Variants in PTPRU observed in about 807,000 individuals in gnomAD.
PTPRU encodes protein tyrosine phosphatase receptor type U.
Under a neutral mutation model 166.3 loss-of-function variants are expected in PTPRU, and 69 were observed. That is an observed-to-expected ratio of 0.41 (90% confidence interval 0.34 to 0.51). The LOEUF is 0.51. Ranked by LOEUF, PTPRU falls within the 20% of genes least tolerant of loss-of-function variation. The pLI, the probability that PTPRU is intolerant of heterozygous loss-of-function variation, is 0.09. For missense variants in PTPRU, 1,657 were observed against 2,013.7 expected (o/e 0.82, Z 3.39); for synonymous variants, 793 against 814.0 (o/e 0.97, Z 0.44).
At chr1:29,265,995 A>G (rs923963175) in intron 7 of PTPRU, among the ~76,000 whole-genome samples, 5 of 148,020 alleles carry the variant, frequency 3.4e-5, no homozygotes, top group African/African-American at 1.2e-4. Context: ...CTGTCTCCCA[A>G]AGATTTTCTC....
At position 29,290,844 on chromosome 1, in the gene PTPRU, TC is replaced by T. The variant is rs370868616; in HGVS notation, c.2319-1022del. 3.4e-3 allele frequency among the ~76,000 whole-genome samples: 517 copies of T among 152,354 alleles called. 5 individuals are homozygous for T. Among genetic ancestry groups the T allele is most frequent in the African/African-American group, 0.012 (487 of 41,592 alleles). ...GGATGCCAACAGCATTAGGTGTCCC[TC>T]CCGGGTTCCATCTTCTGGGGATCGG... On this transcript the variant is annotated intron_variant, in intron 14 of 29. Coordinates refer to ENST00000373779, the MANE Select transcript of PTPRU (RefSeq NM_133178.4).
chr1:29,280,293 T>C lies in PTPRU; in HGVS notation c.1868+152T>C. 1 of 779,090 alleles carries C rather than the reference T, an allele frequency of 1.3e-6. No homozygotes were observed. Among genetic ancestry groups the C allele is most frequent in the South Asian group, 1.8e-5 (1 of 54,334 alleles). 48.3% of individuals were successfully genotyped at this position (779,090 alleles called of 1,614,324 possible). A position where few individuals can be genotyped will look rare whatever the true frequency, so the allele number is the denominator to read the frequency against. ...GTGTCTGGAGGAGATTGTTCTGTGATGCTTGGCAGGCAAGAAGCCTGCAGT... is the reference window on the plus strand; with the variant it reads ...GTGTCTGGAGGAGATTGTTCTGTGACGCTTGGCAGGCAAGAAGCCTGCAGT... On this transcript the variant is annotated intron_variant, in intron 11 of 29. Coordinates refer to ENST00000373779, the MANE Select transcript of PTPRU (RefSeq NM_133178.4). The surrounding 1 kb of genome is among the most constrained non-coding windows in gnomAD (Gnocchi z 4.2).
In PTPRU at chr1:29,260,525, A is replaced by C. The variant is rs1685007786; in HGVS notation, c.851-85A>C. 2 of 1,049,122 alleles carry C rather than the reference A, an allele frequency of 1.9e-6. No individual in the cohort carries two copies. The highest frequency in any genetic ancestry group is 6.0e-5 in the East Asian group (2 of 33,290). The allele number at this position is 1,049,122 out of a possible 1,614,324, so 65.0% of individuals were successfully genotyped here. The stretch of plus-strand genomic sequence containing the variant: ...AGAGGCCCTAGGAGGACGGAGAGGG[A>C]TTTGGGTGTGGTGGAACTCAGAGTT... On this transcript the variant is annotated intron_variant, in intron 6 of 29. Coordinates refer to ENST00000373779, the MANE Select transcript of PTPRU (RefSeq NM_133178.4). The surrounding 1 kb of genome is among the most constrained non-coding windows in gnomAD (Gnocchi z 8.3).
intron 18 of PTPRU, among the ~76,000 whole-genome samples, chr1:29,306,757 CTCT>C (rs1481258854): frequency 6.6e-5 from 10 of 152,184 alleles, no homozygotes; most frequent in Non-Finnish European, 1.0e-4. Flanking sequence ...TCTCCTCTCC[CTCT>C]TCTTCTCCTC....
chr1:29,316,168 T>G lies in PTPRU; in HGVS notation c.3513+17T>G. ...GAGTTCCAGGTGGGGGATGAGTGCG[T>G]GTGTATAGGTGTGTGTGTGTGTGTC... is the stretch of plus-strand genomic sequence containing the variant. On this transcript the variant is annotated intron_variant, in intron 24 of 29. Transcript: ENST00000373779. The G allele has an allele frequency of 6.2e-7, 1 of 1,609,270 alleles. No individual in the cohort carries two copies. The highest frequency in any genetic ancestry group is 8.5e-7 in the Non-Finnish European group (1 of 1,176,576).
chr1:29,260,421 T>C lies in PTPRU; in HGVS notation c.851-189T>C, dbSNP rs546748422. ...GATGGGCGAGGGCGGGGTCAGCCTT[T>C]GGAGCCAGGTGCCCCTTAGGGCCCG... On this transcript the variant is annotated intron_variant, in intron 6 of 29. Transcript: ENST00000373779. This position sits in a 1 kb window ranked among gnomAD's most constrained non-coding sequence, Gnocchi z 8.3. Among the ~76,000 whole-genome samples, 1 of 151,982 alleles carries C rather than the reference T, an allele frequency of 6.6e-6. No homozygotes were observed. The highest frequency in any genetic ancestry group is 2.1e-4 in the South Asian group (1 of 4,818).
chr1:29,298,881 G>C (rs952260648), intron 15 of PTPRU, among the ~76,000 whole-genome samples: 2 of 152,122 alleles, frequency 1.3e-5, no homozygotes, highest in Non-Finnish European at 2.9e-5. Context: ...CCTGCCATAC[G>C]GATATTCTAA....
intron 28 of PTPRU, among the ~76,000 whole-genome samples, chr1:29,324,421 A>C (rs1688310095): frequency 6.6e-6 from 1 of 152,192 alleles, no homozygotes; most frequent in African/African-American, 2.4e-5. Flanking sequence ...GCCATTCCCC[A>C]GGAGGCACCC....
Position 29,312,677 on chromosome 1 carries a change from T to G in PTPRU, c.3198T>G (p.Pro1066=), listed in dbSNP as rs1487021838. 8 of 1,609,330 alleles carry G rather than the reference T, an allele frequency of 5.0e-6. No individual in the cohort carries two copies. Among genetic ancestry groups the G allele is most frequent in the Non-Finnish European group, 6.8e-6 (8 of 1,176,694 alleles). The stretch of plus-strand genomic sequence containing the variant: ...GGCGCGTGAAGGCCTCCACCCCACC[T>G]GATGCCGGGCCCATTGTCATCCACT... The part of the protein sequence containing the change: ...FIRRVKASTP[P]DAGPIVIHCS... The change falls in exon 22 of 30, where the codon CCT becomes CCG. Residue 1066 remains proline, a synonymous_variant. Coordinates refer to ENST00000373779, the MANE Select transcript of PTPRU (RefSeq NM_133178.4).
chr1:29,321,553 G>T (rs1040929650), intron 26 of PTPRU, among the ~76,000 whole-genome samples: 38 of 152,210 alleles, frequency 2.5e-4, no homozygotes, highest in African/African-American at 8.7e-4. Flanking sequence ...TGCTCTTTTA[G>T]TCACTCCACT....
In PTPRU at chr1:29,315,899, C is replaced by A; in HGVS notation, c.3364-103C>A. ...CCTGTAGTAACATGGTTGGCCTCCA[C>A]CTCAGGACACCCTGCTTCAACCTTG... On this transcript the variant is annotated intron_variant, in intron 23 of 29. Transcript: ENST00000373779. The surrounding 1 kb of genome is among the most constrained non-coding windows in gnomAD (Gnocchi z 4.5). 1 of 1,426,834 alleles carries A rather than the reference C, an allele frequency of 7.0e-7. No homozygotes were observed. Among genetic ancestry groups the A allele is most frequent in the Non-Finnish European group, 9.5e-7 (1 of 1,049,908 alleles). The allele number at this position is 1,426,834 out of a possible 1,614,324, so 88.4% of individuals were successfully genotyped here.
intron 14 of PTPRU, among the ~76,000 whole-genome samples, chr1:29,286,411 CTTTTT>C (rs35997830): frequency 6.6e-6 from 1 of 151,920 alleles, no homozygotes; most frequent in South Asian, 2.1e-4. Context: ...GACTGACTCC[CTTTTT>C]TTTGGATGAA....
At chr1:29,255,521 G>A in intron 2 of PTPRU, 115 bp downstream of exon 2, 1 of 1,429,944 alleles carries the variant, frequency 7.0e-7, no homozygotes, top group East Asian at 2.3e-5. Context: ...ATCTACATTT[G>A]CATCTTTAAT....
At chr1:29,264,301 G>A (rs1334267458) in intron 7 of PTPRU, among the ~76,000 whole-genome samples, 1 of 151,696 alleles carries the variant, frequency 6.6e-6, no homozygotes, top group Non-Finnish European at 1.5e-5. Flanking sequence ...TTTGAAGCAC[G>A]AAAGTTTTCA....
At chr1:29,266,712 G>A (rs1031696527) in intron 7 of PTPRU, among the ~76,000 whole-genome samples, 3 of 152,184 alleles carry the variant, frequency 2.0e-5, no homozygotes, top group African/African-American at 4.8e-5. Context: ...TATTACGTGC[G>A]AGGTGCTATT....
chr1:29,312,345 C>T (rs904338173), intron 21 of PTPRU, among the ~76,000 whole-genome samples: 4 of 152,194 alleles, frequency 2.6e-5, no homozygotes, highest in Non-Finnish European at 5.9e-5. Flanking sequence ...GTTTCTCTAA[C>T]CTTGGGAAAG....
At position 29,325,770 on chromosome 1, in the gene PTPRU, G is replaced by A; in HGVS notation, c.*109G>A. The A allele has an allele frequency of 9.9e-6, 12 of 1,212,326 alleles. No individual in the cohort carries two copies. Among genetic ancestry groups the A allele is most frequent in the Non-Finnish European group, 1.4e-5 (12 of 874,012 alleles). 75.1% of individuals were successfully genotyped at this position (1,212,326 alleles called of 1,614,324 possible). A position where few individuals can be genotyped will look rare whatever the true frequency, so the allele number is the denominator to read the frequency against. Reference sequence around the variant, plus strand: ...CTCTGCCCAAACACACTCCCATGGGGCAAGCACTGGAGTGGATGCTGGGCT... The same window carrying A: ...CTCTGCCCAAACACACTCCCATGGGACAAGCACTGGAGTGGATGCTGGGCT... On this transcript the variant is annotated 3_prime_UTR_variant, in exon 30 of 30. Transcript: ENST00000373779.
intron 2 of PTPRU, among the ~76,000 whole-genome samples, chr1:29,256,860 C>T (rs932537548): frequency 1.3e-5 from 2 of 152,104 alleles, no homozygotes; most frequent in East Asian, 1.9e-4. Flanking sequence ...TCTCTTGTCA[C>T]GTGCAAGCAG....
rs760871118 is a variant in PTPRU, at chr1:29,315,385, C to T, written c.3241C>T (p.Arg1081Cys). Residue 1081 changes from arginine (R) to cysteine (C), a missense_variant, in exon 23 of 30, where the codon CGC becomes TGC. By Grantham distance (180) the Arg-to-Cys change is radical. Transcript: ENST00000373779. The surrounding 1 kb of genome is among the most constrained non-coding windows in gnomAD (Gnocchi z 4.5). Reference protein sequence around the residue: ...IVIHCSAGTGRTGCYIVLDVM... With the variant: ...IVIHCSAGTGCTGCYIVLDVM... ...CTCTCTCTCCAGCGCGGGCACCGGC[C>T]GCACAGGTTGCTATATCGTCCTGGA... The T allele has an allele frequency of 4.5e-5, 73 of 1,614,072 alleles. No individual in the cohort carries two copies. The highest frequency in any genetic ancestry group is 1.1e-4 in the African/African-American group (8 of 74,938).
Sources: gnomAD v4.1 joint callset for allele counts (sites outside exome capture counted in the v4.1 genomes callset) on GRCh38, gnomAD v4.1.1 for gene constraint, Gnocchi (gnomAD v3.1) non-coding constraint, MANE v1.5 for transcripts, NCBI Gene and HGNC (gene_info 2026-07-23, HGNC 2026-07-21) for gene names.